Variants in NTNG1 observed in about 807,000 individuals in gnomAD.
The protein encoded by NTNG1 is netrin G1.
A neutral mutation model predicts 54.0 loss-of-function variants in NTNG1; 16 were observed. The observed-to-expected ratio is 0.30, with a 90% CI of 0.20 to 0.45. NTNG1 has a LOEUF of 0.45. NTNG1 is among the 20% of genes least tolerant of loss of function. NTNG1 has a pLI of 1.00. For synonymous variants in NTNG1, 255 were observed against 263.1 expected, an observed-to-expected ratio of 0.97 and a Z score of 0.30; for missense variants, 530 against 678.7, an observed-to-expected ratio of 0.78 and a Z score of 2.43.
chr1:107,428,572 C>T (rs1214055068), intron 5 of NTNG1, among the ~76,000 whole-genome samples: 2 of 152,070 alleles, frequency 1.3e-5, no homozygotes, highest in Non-Finnish European at 2.9e-5. Context: ...GAGACCTCTT[C>T]CAGAGGAGGC....
chr1:107,181,398 G>A (rs1368226915), intron 2 of NTNG1, among the ~76,000 whole-genome samples: 4 of 152,170 alleles, frequency 2.6e-5, no homozygotes, highest in Admixed American at 6.6e-5. Flanking sequence ...GAGGAATTGA[G>A]TACCTTTTAA....
chr1:107,399,729 T>C (rs904768343), intron 4 of NTNG1, among the ~76,000 whole-genome samples: 4 of 152,128 alleles, frequency 2.6e-5, no homozygotes, highest in Non-Finnish European at 2.9e-5. Flanking sequence ...CTAGAAAGGG[T>C]TAAAGGGAGG....
At chr1:107,208,078 G>T (rs750791768) in intron 2 of NTNG1, among the ~76,000 whole-genome samples, 1 of 152,126 alleles carries the variant, frequency 6.6e-6, no homozygotes, top group Admixed American at 6.5e-5. Context: ...TCAAGGCGTC[G>T]AAGGCATGTG....
chr1:107,210,451 G>C (rs1046663068), intron 2 of NTNG1, among the ~76,000 whole-genome samples: 2 of 152,178 alleles, frequency 1.3e-5, no homozygotes, highest in East Asian at 3.9e-4. Context: ...TGGGCCACTC[G>C]AGGATGAAGG....
chr1:107,272,542 C>A (rs1191087899), intron 2 of NTNG1, among the ~76,000 whole-genome samples: 1 of 152,080 alleles, frequency 6.6e-6, no homozygotes, highest in Non-Finnish European at 1.5e-5. Context: ...AGGTACGTGG[C>A]GCAAGATGGG....
intron 2 of NTNG1, among the ~76,000 whole-genome samples, chr1:107,201,889 A>G (rs1021647904): frequency 6.6e-6 from 1 of 151,884 alleles, no homozygotes; most frequent in Non-Finnish European, 1.5e-5. Context: ...CTCAAATGCT[A>G]CTTACTCCAT....
chr1:107,169,043 C>T (rs910611255), intron 2 of NTNG1, among the ~76,000 whole-genome samples: 3 of 152,036 alleles, frequency 2.0e-5, no homozygotes, highest in Non-Finnish European at 2.9e-5. Flanking sequence ...TATTTGACTC[C>T]ATAGTCTTTG....
chr1:107,235,756 G>T (rs1661368620), intron 2 of NTNG1, among the ~76,000 whole-genome samples: 1 of 152,154 alleles, frequency 6.6e-6, no homozygotes, highest in Admixed American at 6.5e-5. Flanking sequence ...GGACATAGGG[G>T]TCAGATCTTC....
rs149762738 is a variant in NTNG1 at position 107,184,291 on chromosome 1, G to A, written c.246+35452G>A. On this transcript the variant is annotated intron_variant, in intron 2 of 7. Coordinates refer to ENST00000370068, the MANE Select transcript of NTNG1 (RefSeq NM_001113226.3). ...CCACCATGCACTGGGGGTCAGGCAA[G>A]CATTCCTGTTCAAAAAAGGGAGACA... is the stretch of plus-strand genomic sequence containing the variant. Among the ~76,000 whole-genome samples the A allele has an allele frequency of 3.3e-5, 5 of 152,206 alleles. No homozygotes were observed. The East Asian group carries it at 9.7e-4, about 29-fold the overall frequency.
At chr1:107,291,581 A>G (rs552920956) in intron 2 of NTNG1, among the ~76,000 whole-genome samples, 1 of 152,340 alleles carries the variant, frequency 6.6e-6, no homozygotes, top group Non-Finnish European at 1.5e-5. Context: ...AGGAAAAATA[A>G]ATAATTCAAA....
intron 2 of NTNG1, among the ~76,000 whole-genome samples, chr1:107,251,388 C>T (rs923495682): frequency 2.6e-5 from 4 of 152,250 alleles, no homozygotes; most frequent in African/African-American, 9.6e-5. Context: ...CCAGCCAAAC[C>T]ATTCCCCTTT....
At chr1:107,188,370 C>T (rs990010525) in intron 2 of NTNG1, among the ~76,000 whole-genome samples, 3 of 152,080 alleles carry the variant, frequency 2.0e-5, no homozygotes, top group Non-Finnish European at 4.4e-5. Context: ...ACTGACAGGT[C>T]TATACCTTGG....
intron 2 of NTNG1, among the ~76,000 whole-genome samples, chr1:107,318,849 A>T (rs1667484427): frequency 6.6e-6 from 1 of 152,152 alleles, no homozygotes; most frequent in African/African-American, 2.4e-5. Flanking sequence ...ATGAGATTGC[A>T]CTACATGGCC....
At chr1:107,269,287 C>G (rs765271323) in intron 2 of NTNG1, among the ~76,000 whole-genome samples, 4 of 152,198 alleles carry the variant, frequency 2.6e-5, no homozygotes, top group Non-Finnish European at 5.9e-5. Context: ...CTTCCCAAAT[C>G]TACATGACTC....
chr1:107,383,864 A>T (rs1170206992), intron 3 of NTNG1, among the ~76,000 whole-genome samples: 1 of 152,242 alleles, frequency 6.6e-6, no homozygotes, highest in Non-Finnish European at 1.5e-5. Flanking sequence ...CGTAGAATAT[A>T]AAAGTTTGCC....
intron 2 of NTNG1, among the ~76,000 whole-genome samples, chr1:107,217,392 C>T (rs942413385): frequency 4.6e-5 from 7 of 152,084 alleles, no homozygotes; most frequent in Non-Finnish European, 1.0e-4. Flanking sequence ...TTTCAAAGAA[C>T]CAGCTTTTTG....
At chr1:107,341,275 A>G in intron 3 of NTNG1, among the ~76,000 whole-genome samples, 1 of 152,166 alleles carries the variant, frequency 6.6e-6, no homozygotes, top group South Asian at 2.1e-4. Context: ...GACCGAGTTT[A>G]TATTAATTCT....
chr1:107,299,457 A>G (rs1461086351), intron 2 of NTNG1, among the ~76,000 whole-genome samples: 2 of 152,188 alleles, frequency 1.3e-5, no homozygotes, highest in African/African-American at 4.8e-5. Flanking sequence ...TTTATGAACT[A>G]TAGAAATAAC....
intron 2 of NTNG1, among the ~76,000 whole-genome samples, chr1:107,172,474 G>T (rs376896260): frequency 6.6e-6 from 1 of 152,046 alleles, no homozygotes; most frequent in African/African-American, 2.4e-5. Flanking sequence ...TACAAAATCC[G>T]TCCAAAGTCC....
Sources: gnomAD v4.1 joint callset for allele counts (sites outside exome capture counted in the v4.1 genomes callset) on GRCh38, gnomAD v4.1.1 for gene constraint, MANE v1.5 for transcripts, NCBI Gene and HGNC (gene_info 2026-07-23, HGNC 2026-07-21) for gene names.